KCNIP4: variants seen among roughly 807,000 people sequenced by gnomAD.
KCNIP4 encodes the protein potassium voltage-gated channel interacting protein 4.
A neutral mutation model predicts 34.0 loss-of-function variants in KCNIP4; 12 were observed. That is an observed-to-expected ratio of 0.35 (90% confidence interval 0.23 to 0.57). The LOEUF (loss-of-function observed/expected upper bound fraction) is 0.57. Ranked by LOEUF, KCNIP4 falls within the 20% of genes least tolerant of loss-of-function variation. KCNIP4 has a pLI of 0.83. For missense variants in KCNIP4, 238 were observed against 311.7 expected, an observed-to-expected ratio of 0.76 and a Z score of 1.78; for synonymous variants, 124 against 102.2, an observed-to-expected ratio of 1.21 and a Z score of -1.29.
At chr4:21,732,935 C>T (rs1224229250) in intron 1 of KCNIP4, among the ~76,000 whole-genome samples, 1 of 152,054 alleles carries the variant, frequency 6.6e-6, no homozygotes. Context: ...TTTCACCTAA[C>T]CAAAATTACT....
At chr4:20,888,201 A>G (rs188519041) in intron 1 of KCNIP4, among the ~76,000 whole-genome samples, 165 of 152,232 alleles carry the variant, frequency 1.1e-3, no homozygotes, top group African/African-American at 3.7e-3. Flanking sequence ...AGTAGAAGGG[A>G]TGAGTAGAAA....
chr4:21,533,839 G>C (rs1457025795), intron 1 of KCNIP4, among the ~76,000 whole-genome samples: 2 of 152,134 alleles, frequency 1.3e-5, no homozygotes, highest in East Asian at 1.9e-4. Context: ...AAGATTCATA[G>C]TCAATCAAGT....
At chr4:21,305,778 T>A (rs749523794) in intron 1 of KCNIP4, among the ~76,000 whole-genome samples, 7 of 152,240 alleles carry the variant, frequency 4.6e-5, no homozygotes, top group Non-Finnish European at 8.8e-5. Context: ...AATTGCTCTA[T>A]CTATTTAGAA....
At chr4:21,687,807 A>G (rs1354390) in intron 1 of KCNIP4, among the ~76,000 whole-genome samples, 38,910 of 151,946 alleles carry the variant, frequency 0.26, 6,131 homozygotes, top group African/African-American at 0.45. Flanking sequence ...GGACTGGATG[A>G]TCAGGAAATG....
At chr4:21,425,236 A>G (rs1365956439) in intron 1 of KCNIP4, among the ~76,000 whole-genome samples, 1 of 152,154 alleles carries the variant, frequency 6.6e-6, no homozygotes, top group Non-Finnish European at 1.5e-5. Context: ...AATACTACCT[A>G]ACTTAACTTT....
chr4:20,776,392 C>T (rs1042628378), intron 3 of KCNIP4, among the ~76,000 whole-genome samples: 1 of 152,150 alleles, frequency 6.6e-6, no homozygotes, highest in African/African-American at 2.4e-5. Flanking sequence ...AATAGGAGCT[C>T]TACTTTCGGT....
chr4:21,443,493 C>T (rs187248191), intron 1 of KCNIP4, among the ~76,000 whole-genome samples: 69 of 152,268 alleles, frequency 4.5e-4, no homozygotes, highest in African/African-American at 1.6e-3. Context: ...AATAAGTAGA[C>T]TTTGAATAAA....
rs1429895497 is a variant in KCNIP4 at position 21,555,931 on chromosome 4, CTG to C, written c.61+392638_61+392639del. Among the ~76,000 whole-genome samples, 3 of 152,158 alleles carry C rather than the reference CTG, an allele frequency of 2.0e-5. No individual in the cohort carries two copies. The East Asian group carries it at 5.8e-4, about 30-fold the overall frequency. On this transcript the variant is annotated intron_variant, in intron 1 of 8. Coordinates refer to ENST00000382152, the MANE Select transcript of KCNIP4 (RefSeq NM_025221.6). ...TGGAAGCATGCTGTGCCAGCTGTGTCTGTAGACACAGCTGTGCGCTGTGAAAA... is the reference window on the plus strand; with the variant it reads ...TGGAAGCATGCTGTGCCAGCTGTGTCTAGACACAGCTGTGCGCTGTGAAAA...
At chr4:21,352,695 C>T (rs1002093559) in intron 1 of KCNIP4, among the ~76,000 whole-genome samples, 17 of 152,246 alleles carry the variant, frequency 1.1e-4, no homozygotes, top group Non-Finnish European at 2.1e-4. Context: ...CCTCTGTGGA[C>T]AGGGCATAGC....
At chr4:20,818,047 G>A (rs1160058890) in intron 3 of KCNIP4, among the ~76,000 whole-genome samples, 2 of 152,178 alleles carry the variant, frequency 1.3e-5, no homozygotes, top group Admixed American at 6.5e-5. Flanking sequence ...GTCTACTGCT[G>A]TTGTGCACTG....
At chr4:20,764,342 A>C (rs2149368061) in intron 3 of KCNIP4, among the ~76,000 whole-genome samples, 1 of 152,214 alleles carries the variant, frequency 6.6e-6, no homozygotes, top group Middle Eastern at 3.4e-3. Flanking sequence ...TATCCTGAAC[A>C]TTTTTTACAT....
intron 1 of KCNIP4, among the ~76,000 whole-genome samples, chr4:21,755,868 G>C (rs1717473540): frequency 6.6e-6 from 1 of 152,138 alleles, no homozygotes; most frequent in South Asian, 2.1e-4. Context: ...TTCTATAGTT[G>C]CTGATAGGGC....
intron 1 of KCNIP4, among the ~76,000 whole-genome samples, chr4:21,026,830 G>A (rs1577558602): frequency 1.3e-5 from 2 of 152,134 alleles, no homozygotes; most frequent in South Asian, 4.1e-4. Flanking sequence ...CAGCATCTGA[G>A]GTGGAGGTGA....
chr4:20,770,708 C>A (rs1021403561), intron 3 of KCNIP4, among the ~76,000 whole-genome samples: 1 of 152,004 alleles, frequency 6.6e-6, no homozygotes, highest in African/African-American at 2.4e-5. Context: ...CTGAAGTGGG[C>A]GGATCACCTG....
intron 1 of KCNIP4, among the ~76,000 whole-genome samples, chr4:21,134,356 A>G (rs1455730348): frequency 6.6e-6 from 1 of 152,140 alleles, no homozygotes; most frequent in East Asian, 1.9e-4. Flanking sequence ...TCTCTTGTTT[A>G]CTTAGTTGTA....
chr4:21,686,867 C>A (rs905347753), intron 1 of KCNIP4, among the ~76,000 whole-genome samples: 10 of 151,270 alleles, frequency 6.6e-5, no homozygotes, highest in Admixed American at 2.6e-4. Context: ...GACACATGCA[C>A]ACGTATGTTT....
intron 1 of KCNIP4, among the ~76,000 whole-genome samples, chr4:21,078,381 G>A (rs1351153109): frequency 1.3e-5 from 2 of 152,202 alleles, no homozygotes; most frequent in Non-Finnish European, 2.9e-5. Flanking sequence ...CAAAGTCTGA[G>A]ATCATAAATG....
chr4:21,655,243 G>T (rs1365954549), intron 1 of KCNIP4, among the ~76,000 whole-genome samples: 2 of 152,064 alleles, frequency 1.3e-5, no homozygotes, highest in East Asian at 3.9e-4. Context: ...CCCTAGAAGT[G>T]CTGACCATAT....
intron 1 of KCNIP4, among the ~76,000 whole-genome samples, chr4:21,026,185 C>T (rs979614166): frequency 2.0e-5 from 3 of 152,146 alleles, no homozygotes; most frequent in African/African-American, 7.2e-5. Flanking sequence ...GAGGAGACAG[C>T]AGAGACTGAG....
Sources: gnomAD v4.1 joint callset for allele counts (sites outside exome capture counted in the v4.1 genomes callset) on GRCh38, gnomAD v4.1.1 for gene constraint, MANE v1.5 for transcripts, NCBI Gene and HGNC (gene_info 2026-07-23, HGNC 2026-07-21) for gene names.